EPS8L3: variants seen among roughly 807,000 people sequenced by gnomAD.
EPS8L3 encodes the protein epidermal growth factor receptor kinase substrate 8-like protein 3.
A neutral mutation model predicts 88.5 loss-of-function variants in EPS8L3; 80 were observed. The observed-to-expected ratio is 0.90, with a 90% CI of 0.75 to 1.09. The LOEUF (loss-of-function observed/expected upper bound fraction) is 1.09. Ranked by LOEUF, EPS8L3 falls within the 50% of genes least tolerant of loss-of-function variation. The pLI is 0.00. For synonymous variants in EPS8L3, 286 were observed against 291.0 expected, an observed-to-expected ratio of 0.98 and a Z score of 0.18; for missense variants, 721 against 735.2, an observed-to-expected ratio of 0.98 and a Z score of 0.22.
chr1:109,754,077 G>A (rs200686894), intron 12 of EPS8L3, among the ~76,000 whole-genome samples: 1 of 152,166 alleles, frequency 6.6e-6, no homozygotes, highest in East Asian at 1.9e-4. Context: ...GTTTCCTTCT[G>A]TGCCTTAGAA....
rs1460558799 is a variant in EPS8L3, at chr1:109,752,086, G to A, written c.1343C>T (p.Pro448Leu). ...DPNSRPSSPK[P>L]AQPALKMQVL... ...TTGCATTTTCAGGGCTGGCTGGGCAGGTTTGGGGCTGGAGGGCCTGGAGTT... is the reference window on the plus strand; with the variant it reads ...TTGCATTTTCAGGGCTGGCTGGGCAAGTTTGGGGCTGGAGGGCCTGGAGTT... The change falls in exon 15 of 19, where the codon CCT (proline) becomes CTT (leucine). Residue 448 changes from proline (P) to leucine (L), a missense_variant. Physicochemically the swap from Pro to Leu is moderately conservative, Grantham distance 98. Transcript: ENST00000361965. The A allele has an allele frequency of 7.4e-6, 12 of 1,614,178 alleles. No homozygotes were observed. The highest frequency in any genetic ancestry group is 1.0e-5 in the Non-Finnish European group (12 of 1,180,036).
At chr1:109,761,853 A>G in intron 1 of EPS8L3, 80 bp from the exon 2 acceptor site, 1 of 1,324,836 alleles carries the variant, frequency 7.5e-7, no homozygotes, top group Non-Finnish European at 1.1e-6. Context: ...GACAGTTGCT[A>G]TTGCTCTGAC....
At position 109,751,289 on chromosome 1, in the gene EPS8L3, G is replaced by C. The variant is rs373256152; in HGVS notation, c.1626C>G (p.Asn542Lys). Reference protein sequence around the residue: ...EEVTDWLQAENFSTATVRTLG... With the variant: ...EEVTDWLQAEKFSTATVRTLG... ...GGCCAGGCACTCACGCAGTGGAGAA[G>C]TTCTCTGCCTGCAGCCAGTCTGTGA... is the stretch of plus-strand genomic sequence containing the variant. The change falls in exon 17 of 19, where the codon AAC becomes AAG. Residue 542 changes from asparagine to lysine, a missense_variant. Transcript: ENST00000361965. The C allele has an allele frequency of 6.2e-7, 1 of 1,613,880 alleles. No individual in the cohort carries two copies. The highest frequency in any genetic ancestry group is 1.1e-5 in the South Asian group (1 of 91,016).
intron 11 of EPS8L3, 41 bp downstream of exon 11, chr1:109,757,440 C>A: frequency 6.3e-7 from 1 of 1,580,276 alleles, no homozygotes. Flanking sequence ...TTCTTGACTT[C>A]AGCCTGTCCG....
chr1:109,758,809 C>T (rs540740155), intron 6 of EPS8L3, 146 bp from the exon 7 acceptor site: 2 of 1,016,550 alleles, frequency 2.0e-6, no homozygotes, highest in Non-Finnish European at 2.6e-6. Context: ...CTGGACCCAC[C>T]CCTGACTCCA....
rs185509432 is a variant in EPS8L3 at position 109,757,305 on chromosome 1, C to T, written c.970-140G>A. 1.8e-5 allele frequency: 21 copies of T among 1,170,296 alleles called. No homozygotes were observed. The East Asian group carries it at 4.6e-4, about 26-fold the overall frequency. The allele number at this position is 1,170,296 out of a possible 1,614,324, so 72.5% of individuals were successfully genotyped here. A position where few individuals can be genotyped will look rare whatever the true frequency, so the allele number is the denominator to read the frequency against. On this transcript the variant is annotated intron_variant, in intron 11 of 18. Transcript: ENST00000361965. ...TGCAAGGGGCCCCATCTGCCTTGGG[C>T]CTGCTGCTCCTTCCTGTCTCCCTTA... is the stretch of plus-strand genomic sequence containing the variant.
chr1:109,753,052 G>T, intron 13 of EPS8L3, 65 bp downstream of exon 13: 1 of 1,395,132 alleles, frequency 7.2e-7, no homozygotes, highest in South Asian at 1.2e-5. Context: ...TGGTTTGGAT[G>T]GGGAGGGCAG....
Position 109,757,824 on chromosome 1 carries a change from ATCT to A in EPS8L3, c.869_871del (p.Lys290del). On this transcript the variant is annotated inframe_deletion, in exon 10 of 19. Coordinates refer to ENST00000361965, the MANE Select transcript of EPS8L3 (RefSeq NM_133181.4). ...TACCAGGAGGTTGAAGCTGTGCTTGATCTTCTGGAAGCAGTCAATGTACTGTGC... is the reference window on the plus strand; with the variant it reads ...TACCAGGAGGTTGAAGCTGTGCTTGATCTGGAAGCAGTCAATGTACTGTGC... 6.2e-7 allele frequency: 1 copy of A among 1,614,116 alleles called. No individual in the cohort carries two copies.
intron 3 of EPS8L3, among the ~76,000 whole-genome samples, chr1:109,760,508 C>G (rs1406608766): frequency 1.3e-5 from 2 of 152,064 alleles, no homozygotes; most frequent in African/African-American, 2.4e-5. Flanking sequence ...GACCCCACCC[C>G]CCTGCCCAGG....
chr1:109,758,756 C>T, intron 6 of EPS8L3, 93 bp from the exon 7 acceptor site: 1 of 1,453,650 alleles, frequency 6.9e-7, no homozygotes, highest in Non-Finnish European at 9.2e-7. Flanking sequence ...GGGGCACCAC[C>T]ACCTCTCTCC....
chr1:109,753,193 T>C lies in EPS8L3; in HGVS notation c.1124A>G (p.Asp375Gly), dbSNP rs764169881. The C allele has an allele frequency of 6.2e-7, 1 of 1,609,356 alleles. No homozygotes were observed. Among genetic ancestry groups the C allele is most frequent in the Middle Eastern group, 1.7e-4 (1 of 6,044 alleles). ...LGPAWTTSRADWTGDEPLPYQ... is the reference protein window; with the variant it reads ...LGPAWTTSRAGWTGDEPLPYQ... ...GGGCAGGGGCTCATCGCCTGTCCAG[T>C]CGGCCCTGAAGAGGGAAACAAAGCT... Residue 375 changes from aspartate to glycine, a missense_variant, in exon 13 of 19, where the codon GAC becomes GGC. By Grantham distance (94) the Asp-to-Gly change is moderately conservative. Transcript: ENST00000361965.
rs750457883 is a variant in EPS8L3, at chr1:109,758,018, A to T, written c.758T>A (p.Met253Lys). The T allele has an allele frequency of 6.2e-7, 1 of 1,613,930 alleles. No homozygotes were observed. The highest frequency in any genetic ancestry group is 1.1e-5 in the South Asian group (1 of 91,076). The change falls in exon 9 of 19, where the codon ATG (methionine) becomes AAG (lysine). Residue 253 changes from methionine to lysine, a missense_variant. Met to Lys is a moderately conservative substitution (Grantham distance 95). Transcript: ENST00000361965. ...TGCCTGGGCCTTCTCCAGCTTTCCC[A>T]TGAACAGCTCAATGTCCCTTAGGAC... ...NHVLRDIELF[M>K]GKLEKAQAKT...
chr1:109,753,717 G>A (rs543248392), intron 12 of EPS8L3, among the ~76,000 whole-genome samples: 1 of 152,192 alleles, frequency 6.6e-6, no homozygotes, highest in African/African-American at 2.4e-5. Context: ...CCTCCCCCTC[G>A]CCCATTACAC....
intron 1 of EPS8L3, 121 bp from the exon 2 acceptor site, chr1:109,761,894 C>G: frequency 1.2e-6 from 1 of 828,472 alleles, no homozygotes; most frequent in Non-Finnish European, 2.0e-6. Context: ...CCCAAAGCCC[C>G]TGGCTCCAGG....
At position 109,759,230 on chromosome 1, in the gene EPS8L3, C is replaced by T; in HGVS notation, c.405+8G>A. On this transcript the variant is annotated splice_region_variant and intron_variant, in intron 5 of 18. Coordinates refer to ENST00000361965, the MANE Select transcript of EPS8L3 (RefSeq NM_133181.4). The surrounding 1 kb of genome is among the most constrained non-coding windows in gnomAD (Gnocchi z 4.2). ...CCCACCCCTGACCAATCACCCCCGA[C>T]CACTCACCCCCACTTCCTGGCACTG... The T allele has an allele frequency of 1.2e-6, 2 of 1,613,388 alleles. No individual in the cohort carries two copies. Among genetic ancestry groups the T allele is most frequent in the Non-Finnish European group, 8.5e-7 (1 of 1,179,726 alleles).
At chr1:109,752,550 A>T (rs1649901057) in intron 14 of EPS8L3, 136 bp downstream of exon 14, 2 of 776,718 alleles carry the variant, frequency 2.6e-6, no homozygotes, top group East Asian at 5.4e-5. Context: ...TAGGAGAGGG[A>T]TGTCCTTGTA....
At chr1:109,756,199 G>T (rs1431295804) in intron 12 of EPS8L3, among the ~76,000 whole-genome samples, 1 of 152,172 alleles carries the variant, frequency 6.6e-6, no homozygotes, top group Non-Finnish European at 1.5e-5. Flanking sequence ...GCCCAAGCTG[G>T]TTCCTCCCAC....
chr1:109,759,370 G>C lies in EPS8L3; in HGVS notation c.273C>G (p.Tyr91Ter). The C allele has an allele frequency of 6.2e-7, 1 of 1,614,106 alleles. No homozygotes were observed. Among genetic ancestry groups the C allele is most frequent in the Non-Finnish European group, 8.5e-7 (1 of 1,179,998 alleles). Reference protein sequence around the residue: ...DIETKEELDSYRLDSIQAMNV... With the variant: ...DIETKEELDS ...TCATGGCCTGGATGCTGTCTAGGCG[G>C]TAAGAGTCCAGCTCCTCCTGGGCCA... Residue 91 changes from tyrosine to a stop codon, truncating the protein, a stop_gained, in exon 5 of 19, where the codon TAC becomes TAG. Coordinates refer to ENST00000361965, the MANE Select transcript of EPS8L3 (RefSeq NM_133181.4). LOFTEE classifies it high-confidence loss of function. This position sits in a 1 kb window ranked among gnomAD's most constrained non-coding sequence, Gnocchi z 4.2.
chr1:109,761,361 CGA>C, intron 3 of EPS8L3, 132 bp downstream of exon 3: 1 of 737,100 alleles, frequency 1.4e-6, no homozygotes, highest in African/African-American at 1.8e-5. Flanking sequence ...TGAGTCCATG[CGA>C]CATGGTTGGG....
Sources: gnomAD v4.1 joint callset for allele counts (sites outside exome capture counted in the v4.1 genomes callset) on GRCh38, gnomAD v4.1.1 for gene constraint, Gnocchi (gnomAD v3.1) non-coding constraint, MANE v1.5 for transcripts, NCBI Gene and HGNC (gene_info 2026-07-23, HGNC 2026-07-21) for gene names.